Variants in WDPCP observed in about 807,000 individuals in gnomAD.
The protein encoded by WDPCP is WD repeat containing planar cell polarity effector, also known as WD repeat-containing and planar cell polarity effector protein fritz homolog.
WDPCP carries 71 observed loss-of-function variants against 93.1 expected under a neutral mutation model. The ratio of observed to expected loss-of-function variants is 0.76; its 90% CI spans 0.63 to 0.93. The LOEUF (loss-of-function observed/expected upper bound fraction) is 0.93, where lower values mean the gene tolerates loss of function less well. Ranked by LOEUF, WDPCP falls within the 40% of genes least tolerant of loss-of-function variation. The probability of loss-of-function intolerance (pLI) is 0.00; values close to 1 mark genes in which losing one functional copy is unlikely to be tolerated. For missense variants in WDPCP, 844 were observed against 887.4 expected, an observed-to-expected ratio of 0.95 and a Z score of 0.62; for synonymous variants, 315 against 315.0, an observed-to-expected ratio of 1.00 and a Z score of 0.00.
chr2:63,715,513 A>T (rs1433859913), intron 2 of WDPCP, among the ~76,000 whole-genome samples: 2 of 152,246 alleles, frequency 1.3e-5, no homozygotes, highest in African/African-American at 4.8e-5. Flanking sequence ...TTCACCAAAA[A>T]GAGAAACAAT....
chr2:63,597,443 G>A, intron 3 of WDPCP: 1 of 1,488,982 alleles, frequency 6.7e-7, no homozygotes, highest in Non-Finnish European at 9.0e-7. Flanking sequence ...CAAAGACCTG[G>A]ATGTGGCCAT....
intron 1 of WDPCP, among the ~76,000 whole-genome samples, chr2:63,529,806 G>C (rs888725847): frequency 6.6e-6 from 1 of 152,114 alleles, no homozygotes; most frequent in Non-Finnish European, 1.5e-5. Flanking sequence ...CATAGAATTC[G>C]GCTGTGAATC....
At chr2:63,598,820 C>A (rs372601617) in intron 3 of WDPCP, among the ~76,000 whole-genome samples, 1 of 148,588 alleles carries the variant, frequency 6.7e-6, no homozygotes, top group Non-Finnish European at 1.5e-5. Flanking sequence ...CGTCCTTGTT[C>A]GTGAGAAATA....
At position 63,446,505 on chromosome 2, in the gene WDPCP, T is replaced by C. The variant is rs535971653; in HGVS notation, c.385-6634A>G. On this transcript the variant is annotated intron_variant, in intron 6 of 17. Coordinates refer to ENST00000272321, the MANE Select transcript of WDPCP (RefSeq NM_015910.7). ...AAATGAGTTGCTGTGGAAGCAAAGA[T>C]GTTTTCCATGTCTTCATTAGGCAGA... Among the ~76,000 whole-genome samples, 6 of 152,358 alleles carry C rather than the reference T, an allele frequency of 3.9e-5. No homozygotes were observed. The South Asian group carries it at 6.2e-4, about 16-fold the overall frequency.
chr2:63,797,369 G>A (rs1179200598), intron 2 of WDPCP, among the ~76,000 whole-genome samples: 1 of 152,066 alleles, frequency 6.6e-6, no homozygotes, highest in Non-Finnish European at 1.5e-5. Context: ...GTAGGACAGA[G>A]CACCAAGTGG....
chr2:63,791,525 C>A (rs1014482981), intron 2 of WDPCP, among the ~76,000 whole-genome samples: 1 of 152,120 alleles, frequency 6.6e-6, no homozygotes, highest in African/African-American at 2.4e-5. Context: ...AATGATAACC[C>A]TAAAGCCATG....
intron 1 of WDPCP, among the ~76,000 whole-genome samples, chr2:63,527,028 A>T (rs1254094289): frequency 6.6e-6 from 1 of 152,210 alleles, no homozygotes; most frequent in Non-Finnish European, 1.5e-5. Context: ...CATGAAAAGA[A>T]ATAACTTTTA....
intron 12 of WDPCP, among the ~76,000 whole-genome samples, chr2:63,344,311 T>A (rs1427713685): frequency 6.6e-6 from 1 of 152,174 alleles, no homozygotes; most frequent in African/African-American, 2.4e-5. Context: ...CAGAGATGCC[T>A]TTAAATCCTG....
At chr2:63,524,014 A>G (rs1311305883) in intron 1 of WDPCP, among the ~76,000 whole-genome samples, 1 of 152,236 alleles carries the variant, frequency 6.6e-6, no homozygotes, top group East Asian at 1.9e-4. Flanking sequence ...CCCATTCACA[A>G]TAGACACAAA....
intron 6 of WDPCP, among the ~76,000 whole-genome samples, chr2:63,473,433 C>T (rs1431173083): frequency 1.3e-5 from 2 of 152,020 alleles, no homozygotes; most frequent in Non-Finnish European, 2.9e-5. Context: ...AAAATTATTC[C>T]ATCTCATTTT....
At chr2:63,708,905 T>C (rs1669214273) in intron 2 of WDPCP, among the ~76,000 whole-genome samples, 1 of 150,504 alleles carries the variant, frequency 6.6e-6, no homozygotes, top group Non-Finnish European at 1.5e-5. Flanking sequence ...CCACCTCGCC[T>C]GGCCAATAGC....
intron 17 of WDPCP, among the ~76,000 whole-genome samples, chr2:63,131,059 T>A (rs979726183): frequency 6.6e-6 from 1 of 152,198 alleles, no homozygotes; most frequent in African/African-American, 2.4e-5. Context: ...TTCCATCCTT[T>A]CCATTTCAGC....
At chr2:63,402,750 T>C (rs1027323104) in intron 10 of WDPCP, among the ~76,000 whole-genome samples, 1 of 152,034 alleles carries the variant, frequency 6.6e-6, no homozygotes, top group Non-Finnish European at 1.5e-5. Flanking sequence ...CCACAAAGAA[T>C]GGCTATTATT....
At chr2:63,613,767 A>G (rs1401157090) in intron 3 of WDPCP, among the ~76,000 whole-genome samples, 1 of 152,180 alleles carries the variant, frequency 6.6e-6, no homozygotes, top group African/African-American at 2.4e-5. Flanking sequence ...AGAACCGAGG[A>G]GTTTCTAGCC....
At chr2:63,401,216 G>C (rs1211359868) in intron 10 of WDPCP, among the ~76,000 whole-genome samples, 1 of 152,128 alleles carries the variant, frequency 6.6e-6, no homozygotes, top group Admixed American at 6.5e-5. Flanking sequence ...GCAATCTACA[G>C]AATGGGAGAA....
intron 14 of WDPCP, among the ~76,000 whole-genome samples, chr2:63,185,770 A>G (rs1302377035): frequency 6.6e-6 from 1 of 152,142 alleles, no homozygotes; most frequent in Admixed American, 6.5e-5. Context: ...ATCTTTGTTT[A>G]CCAAGAGAAA....
intron 3 of WDPCP, chr2:63,622,759 G>A (rs957878854): frequency 2.9e-5 from 46 of 1,612,654 alleles, no homozygotes; most frequent in Admixed American, 6.7e-5. Flanking sequence ...TTCGGGTACC[G>A]CTGCCAGAAG....
chr2:63,533,711 T>C (rs1669603547), intron 1 of WDPCP, among the ~76,000 whole-genome samples: 1 of 152,058 alleles, frequency 6.6e-6, no homozygotes, highest in African/African-American at 2.4e-5. Context: ...TTTAAAGCAG[T>C]GTGTAGAGGG....
At chr2:63,762,242 G>A (rs576322549) in intron 2 of WDPCP, among the ~76,000 whole-genome samples, 15 of 152,078 alleles carry the variant, frequency 9.9e-5, no homozygotes, top group Admixed American at 9.8e-4. Context: ...GTGACTGAGG[G>A]GACCAACGAG....
Sources: allele counts gnomAD v4.1 joint callset (sites outside exome capture counted in the v4.1 genomes callset), GRCh38; gene constraint gnomAD v4.1.1; transcripts MANE v1.5; gene names NCBI Gene and HGNC (gene_info 2026-07-23, HGNC 2026-07-21).